STAB2: variants seen among roughly 807,000 people sequenced by gnomAD.
The protein encoded by STAB2 is stabilin-2.
A neutral mutation model predicts 338.1 loss-of-function variants in STAB2; 288 were observed. The observed-to-expected ratio is 0.85, with a 90% confidence interval of 0.77 to 0.94. STAB2 has a LOEUF of 0.94. Ranked by LOEUF, STAB2 falls within the 40% of genes least tolerant of loss-of-function variation. STAB2 has a pLI of 0.00. For missense variants in STAB2, 3,141 were observed against 3,210.1 expected, an observed-to-expected ratio of 0.98 and a Z score of 0.52; for synonymous variants, 1,202 against 1,193.3, an observed-to-expected ratio of 1.01 and a Z score of -0.15.
intron 27 of STAB2, 47 bp from the exon 28 acceptor site, chr12:103,688,121 G>C (rs1346613049): frequency 3.8e-6 from 6 of 1,567,928 alleles, no homozygotes; most frequent in East Asian, 2.2e-5. Flanking sequence ...TTCTTTCTCT[G>C]TGTTCTCTCC....
At chr12:103,654,783 C>G in intron 13 of STAB2, 85 bp downstream of exon 13, 1 of 1,491,470 alleles carries the variant, frequency 6.7e-7, no homozygotes, top group Non-Finnish European at 9.0e-7. Flanking sequence ...TGCCAGCACT[C>G]TGTGCTTGTG....
chr12:103,756,985 G>A (rs1884147123), intron 63 of STAB2, among the ~76,000 whole-genome samples: 2 of 62,536 alleles, frequency 3.2e-5, no homozygotes, highest in Non-Finnish European at 6.3e-5. Context: ...CAGTAGCCCA[G>A]AAGGAGGGAA....
At chr12:103,705,749 T>C (rs111931522) in intron 37 of STAB2, 22 bp downstream of exon 37, 1 of 1,605,552 alleles carries the variant, frequency 6.2e-7, no homozygotes, top group Non-Finnish European at 8.5e-7. Context: ...AATTGAATCA[T>C]ACTAACTACT....
At chr12:103,648,643 C>A in intron 9 of STAB2, 47 bp from the exon 10 acceptor site, 1 of 1,595,378 alleles carries the variant, frequency 6.3e-7, no homozygotes, top group Non-Finnish European at 8.5e-7. Flanking sequence ...GATCAAAATA[C>A]TCAATGGCTC....
chr12:103,737,310 T>C (rs7311075), intron 52 of STAB2, among the ~76,000 whole-genome samples: 4,092 of 152,324 alleles, frequency 0.027, 188 homozygotes, highest in African/African-American at 0.095. Context: ...GCAAGTCATT[T>C]AACCTCTCAC....
chr12:103,620,669 A>ACG, intron 4 of STAB2, 116 bp downstream of exon 4: 5 of 909,710 alleles, frequency 5.5e-6, no homozygotes, highest in Admixed American at 2.7e-5. Flanking sequence ...ACACACACAT[A>ACG]TACAGCGAAG....
At position 103,674,048 on chromosome 12, in the gene STAB2, A is replaced by G; in HGVS notation, c.2513A>G (p.His838Arg). Residue 838 changes from histidine to arginine, a missense_variant, in exon 23 of 69, where the codon CAC (histidine) becomes CGC (arginine). Transcript: ENST00000388887. The stretch of plus-strand genomic sequence containing the variant: ...TGTGGGCCCTACGTGCAGTTCTGTC[A>G]CATCCACGCCACCTGTGAATACAGC... ...SACGPYVQFC[H>R]IHATCEYSNG... is the part of the protein sequence containing the mutation. 6.2e-7 allele frequency: 1 copy of G among 1,613,670 alleles called. No homozygotes were observed. The highest frequency in any genetic ancestry group is 8.5e-7 in the Non-Finnish European group (1 of 1,179,668).
intron 30 of STAB2, 106 bp downstream of exon 30, chr12:103,690,644 A>G: frequency 1.1e-6 from 1 of 897,016 alleles, no homozygotes; most frequent in Non-Finnish European, 1.7e-6. Context: ...GCGCAAAACT[A>G]CAGAGAACAG....
Position 103,648,708 on chromosome 12 carries a change from T to A in STAB2, c.1059T>A (p.Gly353=), listed in dbSNP as rs1593180559. 6.2e-7 allele frequency: 1 copy of A among 1,613,954 alleles called. No homozygotes were observed. Among genetic ancestry groups the A allele is most frequent in the Non-Finnish European group, 8.5e-7 (1 of 1,179,940 alleles). The change falls in exon 10 of 69, where the codon GGT becomes GGA. Residue 353 remains glycine, a synonymous_variant. Transcript: ENST00000388887. ...PGRTECICQK[G]YVGDGLTCYG... The stretch of plus-strand genomic sequence containing the variant: ...TCTGTAGATGCATTTGCCAGAAAGG[T>A]TACGTGGGTGATGGCTTAACGTGTT...
intron 1 of STAB2, among the ~76,000 whole-genome samples, chr12:103,588,695 T>C (rs1460705107): frequency 1.3e-5 from 2 of 152,108 alleles, no homozygotes; most frequent in African/African-American, 4.8e-5. Flanking sequence ...AGAAGAGGGT[T>C]TTAAATCTAG....
chr12:103,733,027 A>G lies in STAB2; in HGVS notation c.5305A>G (p.Ile1769Val). Residue 1769 changes from isoleucine to valine, a missense_variant, in exon 51 of 69, where the codon ATC becomes GTC. By Grantham distance (29) the Ile-to-Val change is conservative. Coordinates refer to ENST00000388887, the MANE Select transcript of STAB2 (RefSeq NM_017564.10). ...TCAGGACTCAGGTTTGCTGAGTGTC[A>G]TCACCGATCCCATCCACACCCCAGT... ...LIQDSGLLSV[I>V]TDPIHTPVTL... The G allele has an allele frequency of 1.2e-6, 2 of 1,613,940 alleles. No individual in the cohort carries two copies. Among genetic ancestry groups the G allele is most frequent in the Non-Finnish European group, 1.7e-6 (2 of 1,179,932 alleles).
intron 25 of STAB2, among the ~76,000 whole-genome samples, chr12:103,682,947 C>CA (rs35199507): frequency 2.0e-5 from 3 of 151,386 alleles, no homozygotes; most frequent in Admixed American, 6.6e-5. Context: ...GACTCCATCT[C>CA]AAAAAAAGAT....
rs1565987930 is a variant in STAB2 at position 103,655,243 on chromosome 12, CT to C, written c.1552-3del. 6.2e-7 allele frequency: 1 copy of C among 1,608,758 alleles called. No homozygotes were observed. The highest frequency in any genetic ancestry group is 1.7e-5 in the Admixed American group (1 of 58,888). ...TTCCTGATTTTTAAGCAAAATGTCT[CT>C]TTTTAGCAAACCATAATGACAATGC... On this transcript the variant is annotated splice_region_variant and splice_polypyrimidine_tract_variant and intron_variant, in intron 13 of 68. Coordinates refer to ENST00000388887, the MANE Select transcript of STAB2 (RefSeq NM_017564.10).
intron 38 of STAB2, among the ~76,000 whole-genome samples, chr12:103,707,557 A>G (rs1879474459): frequency 6.6e-6 from 1 of 152,228 alleles, no homozygotes; most frequent in Non-Finnish European, 1.5e-5. Context: ...TTTCACCAGC[A>G]GCAAGACACA....
chr12:103,650,442 T>G (rs1873651536), intron 10 of STAB2, 54 bp from the exon 11 acceptor site: 3 of 1,527,296 alleles, frequency 2.0e-6, no homozygotes, highest in African/African-American at 1.4e-5. Context: ...TTACTCCTCC[T>G]GTACCACTGA....
chr12:103,707,049 G>A, intron 38 of STAB2, 62 bp downstream of exon 38: 2 of 1,571,746 alleles, frequency 1.3e-6, no homozygotes, highest in Non-Finnish European at 1.7e-6. Flanking sequence ...AATATGCAGG[G>A]AAAGAGTGAT....
intron 3 of STAB2, among the ~76,000 whole-genome samples, chr12:103,617,257 G>A (rs1957225139): frequency 6.6e-6 from 1 of 152,186 alleles, no homozygotes; most frequent in Non-Finnish European, 1.5e-5. Flanking sequence ...TAGGATCATG[G>A]AAATAAGAAC....
At chr12:103,748,239 C>T (rs530817561) in intron 58 of STAB2, among the ~76,000 whole-genome samples, 1 of 152,320 alleles carries the variant, frequency 6.6e-6, no homozygotes, top group South Asian at 2.1e-4. Context: ...TTTTCCCACC[C>T]TCCCATCCTT....
intron 25 of STAB2, among the ~76,000 whole-genome samples, chr12:103,679,177 C>T (rs891797293): frequency 1.3e-5 from 2 of 151,938 alleles, no homozygotes; most frequent in African/African-American, 4.8e-5. Flanking sequence ...GGAGTTCGAG[C>T]CCAGCCTGAC....
Sources: allele counts gnomAD v4.1 joint callset (sites outside exome capture counted in the v4.1 genomes callset), GRCh38; gene constraint gnomAD v4.1.1; transcripts MANE v1.5; gene names NCBI Gene and HGNC (gene_info 2026-07-23, HGNC 2026-07-21).